FOXN3: variants seen among roughly 807,000 people sequenced by gnomAD.
FOXN3 encodes forkhead box protein N3.
Under a neutral mutation model 38.4 loss-of-function variants are expected in FOXN3, and 7 were observed. That is an observed-to-expected ratio of 0.18 (90% CI 0.10 to 0.34). The LOEUF (loss-of-function observed/expected upper bound fraction) is 0.34. FOXN3 is among the 10% of genes least tolerant of loss of function. The probability of loss-of-function intolerance (pLI) is 1.00; values close to 1 mark genes in which losing one functional copy is unlikely to be tolerated. For missense variants in FOXN3, 456 were observed against 613.4 expected (o/e 0.74, Z 2.71); for synonymous variants, 230 against 242.2 (o/e 0.95, Z 0.47).
At position 89,323,484 on chromosome 14, in the gene FOXN3, GC is replaced by G. The variant is rs543197520; in HGVS notation, c.680+27187del. ...GCCTGTAATCCCAGCACTTTGGGAG[GC>G]CAAGGTGGGTGGATCACGAGGTCAG... On this transcript the variant is annotated intron_variant, in intron 3 of 5. Transcript: ENST00000557258. Among the ~76,000 whole-genome samples the G allele has an allele frequency of 3.2e-4, 48 of 152,146 alleles. No homozygotes were observed. In the East Asian group the frequency reaches 8.6e-3, roughly 27 times the overall value.
chr14:89,370,010 C>T (rs1890269195), intron 2 of FOXN3, among the ~76,000 whole-genome samples: 1 of 152,218 alleles, frequency 6.6e-6, no homozygotes, highest in African/African-American at 2.4e-5. Context: ...TTTGGATTAT[C>T]CAACTGCACT....
intron 3 of FOXN3, among the ~76,000 whole-genome samples, chr14:89,297,766 C>A (rs1887088199): frequency 6.6e-6 from 1 of 151,938 alleles, no homozygotes. Context: ...TTGCTTGAGG[C>A]TAGGAGTTCG....
chr14:89,587,580 G>A (rs1895866345), intron 1 of FOXN3, among the ~76,000 whole-genome samples: 1 of 152,140 alleles, frequency 6.6e-6, no homozygotes, highest in African/African-American at 2.4e-5. Context: ...AAAAGCTCAG[G>A]CATCAGGCCG....
intron 4 of FOXN3, among the ~76,000 whole-genome samples, chr14:89,191,514 C>T (rs1887941773): frequency 6.6e-6 from 1 of 152,186 alleles, no homozygotes; most frequent in Non-Finnish European, 1.5e-5. Flanking sequence ...GGACAAGGGG[C>T]TCGCACTTGT....
At chr14:89,288,372 T>G (rs905649330) in intron 3 of FOXN3, among the ~76,000 whole-genome samples, 3 of 152,216 alleles carry the variant, frequency 2.0e-5, no homozygotes, top group Admixed American at 6.5e-5. Flanking sequence ...GGTATCAGCC[T>G]GCACATAGTT....
At chr14:89,571,630 G>C (rs890837497) in intron 1 of FOXN3, among the ~76,000 whole-genome samples, 3 of 152,150 alleles carry the variant, frequency 2.0e-5, no homozygotes, top group Admixed American at 6.5e-5. Context: ...CACCTCTGTT[G>C]CAACTACTCA....
At chr14:89,617,694 T>C (rs1047680054) in intron 1 of FOXN3, among the ~76,000 whole-genome samples, 1 of 152,196 alleles carries the variant, frequency 6.6e-6, no homozygotes, top group African/African-American at 2.4e-5. Flanking sequence ...AGCTGACGTC[T>C]GCAAAGAAAT....
intron 4 of FOXN3, among the ~76,000 whole-genome samples, chr14:89,212,430 C>T (rs1424727097): frequency 6.6e-6 from 1 of 152,142 alleles, no homozygotes; most frequent in East Asian, 1.9e-4. Context: ...CCCCCTTTGG[C>T]TGTGTGAGTG....
chr14:89,285,794 C>T (rs1422480991), intron 3 of FOXN3, among the ~76,000 whole-genome samples: 1 of 151,826 alleles, frequency 6.6e-6, no homozygotes, highest in Non-Finnish European at 1.5e-5. Context: ...AATGTAAATG[C>T]ACTTAACACT....
At chr14:89,184,804 T>C (rs775299773) in intron 4 of FOXN3, among the ~76,000 whole-genome samples, 1 of 152,216 alleles carries the variant, frequency 6.6e-6, no homozygotes, top group Non-Finnish European at 1.5e-5. Context: ...ATCATCGTCA[T>C]CGTCACCGTC....
chr14:89,587,896 G>A (rs989145054), intron 1 of FOXN3, among the ~76,000 whole-genome samples: 33 of 147,272 alleles, frequency 2.2e-4, no homozygotes, highest in African/African-American at 7.5e-4. Context: ...AAAAGCCCAG[G>A]AATCATAATT....
intron 2 of FOXN3, among the ~76,000 whole-genome samples, chr14:89,371,698 A>G: frequency 6.6e-6 from 1 of 151,964 alleles, no homozygotes; most frequent in African/African-American, 2.4e-5. Context: ...ATGGACTTCC[A>G]CCAAGCTCCA....
At chr14:89,315,005 G>C (rs1243497341) in intron 3 of FOXN3, among the ~76,000 whole-genome samples, 1 of 151,984 alleles carries the variant, frequency 6.6e-6, no homozygotes, top group Admixed American at 6.6e-5. Context: ...CAGTAATCAT[G>C]TCTCAGAAAG....
chr14:89,294,071 T>C (rs1390232092), intron 3 of FOXN3, among the ~76,000 whole-genome samples: 5 of 152,156 alleles, frequency 3.3e-5, no homozygotes, highest in East Asian at 1.9e-4. Flanking sequence ...CCAGTCCCCA[T>C]TGGGGCCCAC....
At chr14:89,276,991 G>A (rs1354503899) in intron 4 of FOXN3, among the ~76,000 whole-genome samples, 2 of 152,156 alleles carry the variant, frequency 1.3e-5, no homozygotes, top group African/African-American at 2.4e-5. Context: ...GTCAGATTAG[G>A]GGTGAGGAAT....
chr14:89,234,919 T>G (rs534491984), intron 4 of FOXN3, among the ~76,000 whole-genome samples: 2 of 152,230 alleles, frequency 1.3e-5, no homozygotes, highest in Admixed American at 6.5e-5. Flanking sequence ...ACTCTATGAG[T>G]GCCCGCTCAA....
chr14:89,601,131 G>C (rs990182924), intron 1 of FOXN3, among the ~76,000 whole-genome samples: 1 of 152,146 alleles, frequency 6.6e-6, no homozygotes, highest in Non-Finnish European at 1.5e-5. Context: ...AGATAAAATA[G>C]CGTTGATGCC....
In FOXN3 at chr14:89,587,231, TG is replaced by T. The variant is rs573330405; in HGVS notation, c.-15+31796del. The stretch of plus-strand genomic sequence containing the variant: ...GATTAGGTGAGGCCCACCCACATTA[TG>T]GGGGGTAATCCGCTTTATTCAACGA... On this transcript the variant is annotated intron_variant, in intron 1 of 6. Coordinates refer to the FOXN3 transcript ENST00000345097. Among the ~76,000 whole-genome samples the T allele has an allele frequency of 7.9e-5, 12 of 152,352 alleles. No homozygotes were observed. In the South Asian group the frequency reaches 2.5e-3, roughly 32 times the overall value.
intron 1 of FOXN3, among the ~76,000 whole-genome samples, chr14:89,441,554 G>C (rs1892383182): frequency 6.6e-6 from 1 of 152,108 alleles, no homozygotes; most frequent in South Asian, 2.1e-4. Context: ...CACTTTTAGG[G>C]TCTAGGCTCT....
Sources: gnomAD v4.1 joint callset for allele counts (sites outside exome capture counted in the v4.1 genomes callset) on GRCh38, gnomAD v4.1.1 for gene constraint, MANE v1.5 for transcripts, NCBI Gene and HGNC (gene_info 2026-07-23, HGNC 2026-07-21) for gene names.